Variants in RASGRP3 observed in about 807,000 individuals in gnomAD.
RASGRP3 encodes the protein RAS guanyl releasing protein 3.
In RASGRP3, 54 loss-of-function variants were observed where a neutral mutation model predicts 82.7. The observed-to-expected ratio is 0.65, with a 90% confidence interval of 0.52 to 0.82. The LOEUF is 0.82. RASGRP3 is among the 40% of genes least tolerant of loss of function. The pLI, the probability that RASGRP3 is intolerant of heterozygous loss-of-function variation, is 0.00. For synonymous variants in RASGRP3, 309 were observed against 300.5 expected (o/e 1.03, Z -0.29); for missense variants, 861 against 828.9 (o/e 1.04, Z -0.48).
chr2:33,508,758 T>A (rs1251162750), intron 1 of RASGRP3, among the ~76,000 whole-genome samples: 1 of 152,210 alleles, frequency 6.6e-6, no homozygotes, highest in Admixed American at 6.5e-5. Flanking sequence ...ATGTTTTTCT[T>A]CTCCTGGAGG....
intron 14 of RASGRP3, chr2:33,555,329 G>C: frequency 2.4e-6 from 1 of 418,238 alleles, no homozygotes; most frequent in Non-Finnish European, 4.3e-6. Context: ...GAAAGAAAAG[G>C]GAAAGGAAAC....
intron 1 of RASGRP3, among the ~76,000 whole-genome samples, chr2:33,501,607 A>G (rs1669884814): frequency 6.6e-6 from 1 of 152,208 alleles, no homozygotes; most frequent in Admixed American, 6.5e-5. Flanking sequence ...CTAGGTTGCA[A>G]TCCCAAGTCC....
chr2:33,500,916 G>A (rs1392200940), intron 1 of RASGRP3, among the ~76,000 whole-genome samples: 1 of 152,186 alleles, frequency 6.6e-6, no homozygotes, highest in East Asian at 1.9e-4. Flanking sequence ...CCTGGCAACG[G>A]AGCAAGACTC....
At chr2:33,475,190 C>T (rs932947408), upstream of RASGRP3, among the ~76,000 whole-genome samples, 1 of 152,204 alleles carries the variant, frequency 6.6e-6, no homozygotes, top group Admixed American at 6.5e-5. Context: ...ATTTCTATTA[C>T]TAACTTGAAA....
intron 1 of RASGRP3, among the ~76,000 whole-genome samples, chr2:33,477,396 CT>C (rs961310926): frequency 6.6e-6 from 1 of 152,192 alleles, no homozygotes; most frequent in East Asian, 1.9e-4. Flanking sequence ...TCAGTTGCCC[CT>C]GGTCTTCCTT....
intron 11 of RASGRP3, among the ~76,000 whole-genome samples, chr2:33,536,212 G>A (rs1414954987): frequency 6.6e-6 from 1 of 151,062 alleles, no homozygotes; most frequent in African/African-American, 2.4e-5. Flanking sequence ...TGAGGCGGGA[G>A]GATCACTCGA....
intron 13 of RASGRP3, among the ~76,000 whole-genome samples, chr2:33,545,277 A>G (rs556747974): frequency 6.6e-6 from 1 of 152,334 alleles, no homozygotes; most frequent in African/African-American, 2.4e-5. Context: ...TAAAGTTTTG[A>G]GTGGTTAATA....
At chr2:33,470,395 TTTG>T (rs1276008235) in intron 2 of RASGRP3, among the ~76,000 whole-genome samples, 6 of 151,196 alleles carry the variant, frequency 4.0e-5, no homozygotes, top group African/African-American at 1.5e-4. Flanking sequence ...TTTTTTTTTT[TTTG>T]AGATGGAGTC....
intron 1 of RASGRP3, among the ~76,000 whole-genome samples, chr2:33,495,559 ATAT>A (rs1158843923): frequency 1.3e-5 from 2 of 152,124 alleles, no homozygotes; most frequent in Non-Finnish European, 2.9e-5. Flanking sequence ...GACCAGGAAG[ATAT>A]TATAATGATG....
chr2:33,525,869 G>A (rs1389000387), intron 9 of RASGRP3, among the ~76,000 whole-genome samples: 2 of 152,100 alleles, frequency 1.3e-5, no homozygotes, highest in Admixed American at 6.6e-5. Context: ...ATACCTGGAA[G>A]TCCAGAGACA....
chr2:33,444,032 G>T (rs1251922808), intron 1 of RASGRP3, among the ~76,000 whole-genome samples: 1 of 152,220 alleles, frequency 6.6e-6, no homozygotes, highest in African/African-American at 2.4e-5. Context: ...GTGGGGGATA[G>T]TGCCTTACAC....
Position 33,559,000 on chromosome 2 carries a change from T to A in RASGRP3, c.2034T>A (p.Asp678Glu), listed in dbSNP as rs766297017. The A allele has an allele frequency of 3.1e-6, 5 of 1,612,760 alleles. No individual in the cohort carries two copies. In the Admixed American group the frequency reaches 6.7e-5, roughly 22 times the overall value. The change falls in exon 17 of 18, where the codon GAT becomes GAA. Residue 678 changes from aspartate to glutamate, a missense_variant. By Grantham distance (45) the Asp-to-Glu change is conservative. Coordinates refer to ENST00000403687, the MANE Select transcript of RASGRP3 (RefSeq NM_001139488.2). ...DRGTEFELDQ[D>E]EGEETRQDGE... Reference sequence around the variant, plus strand: ...GCACGGAGTTTGAACTTGACCAGGATGAAGGAGAAGAGACCAGACAGGATG... The same window carrying A: ...GCACGGAGTTTGAACTTGACCAGGAAGAAGGAGAAGAGACCAGACAGGATG...
At chr2:33,519,539 A>G (rs556390407) in intron 4 of RASGRP3, among the ~76,000 whole-genome samples, 282 of 152,268 alleles carry the variant, frequency 1.9e-3, no homozygotes, top group African/African-American at 6.5e-3. Flanking sequence ...CCCGGGAGGC[A>G]GAGCTTGCAG....
chr2:33,480,237 G>A (rs996061872), intron 1 of RASGRP3, among the ~76,000 whole-genome samples: 2 of 152,020 alleles, frequency 1.3e-5, no homozygotes, highest in African/African-American at 4.8e-5. Flanking sequence ...TAGAGACGGG[G>A]TTTCACTGTG....
chr2:33,549,685 A>T lies in RASGRP3; in HGVS notation c.1476A>T (p.Gly492=). 3.1e-6 allele frequency: 5 copies of T among 1,613,944 alleles called. No homozygotes were observed. Among genetic ancestry groups the T allele is most frequent in the Non-Finnish European group, 4.2e-6 (5 of 1,179,836 alleles). ...AACTACACTGTAAAATGGGACCAGG[A>T]TTTATCCATAATTTTCAGGAGATGA... The part of the protein sequence containing the change: ...KSQLHCKMGP[G]FIHNFQEMTY... Residue 492 remains glycine, a synonymous_variant, in exon 14 of 18, where the codon GGA becomes GGT. Transcript: ENST00000403687.
chr2:33,438,436 C>T (rs776837473), intron 1 of RASGRP3, among the ~76,000 whole-genome samples: 1 of 152,098 alleles, frequency 6.6e-6, no homozygotes, highest in Non-Finnish European at 1.5e-5. Flanking sequence ...GTGGCACATG[C>T]CTGTAATCCT....
intron 1 of RASGRP3, among the ~76,000 whole-genome samples, chr2:33,444,597 A>G (rs186275153): frequency 1.9e-3 from 293 of 152,318 alleles, no homozygotes; most frequent in African/African-American, 6.8e-3. Context: ...AGACTATGAG[A>G]TATTGCTACC....
chr2:33,451,181 C>T (rs1227263003), intron 2 of RASGRP3, among the ~76,000 whole-genome samples: 1 of 151,888 alleles, frequency 6.6e-6, no homozygotes, highest in African/African-American at 2.4e-5. Flanking sequence ...TTTTCATATA[C>T]CTATTGGCCA....
At position 33,514,634 on chromosome 2, in the gene RASGRP3, G is replaced by A. The variant is rs564322606; in HGVS notation, c.-127-376G>A. Among the ~76,000 whole-genome samples the A allele has an allele frequency of 2.8e-4, 43 of 151,718 alleles. 1 individual carries two copies. In the South Asian group the frequency reaches 6.7e-3, roughly 24 times the overall value. On this transcript the variant is annotated intron_variant, in intron 2 of 17. Coordinates refer to ENST00000403687, the MANE Select transcript of RASGRP3 (RefSeq NM_001139488.2). ...CGGGAGGTCGAGGCTGCTGTGAGCC[G>A]AGATCGCACTACTGCACTCCTGTAC...
Sources: allele counts gnomAD v4.1 joint callset (sites outside exome capture counted in the v4.1 genomes callset), GRCh38; gene constraint gnomAD v4.1.1; transcripts MANE v1.5; gene names NCBI Gene and HGNC (gene_info 2026-07-23, HGNC 2026-07-21).